The following TLE1 variants were observed in gnomAD, a reference collection of about 807,000 sequenced individuals.
The protein encoded by TLE1 is transducin-like enhancer protein 1.
A neutral mutation model predicts 89.8 loss-of-function variants in TLE1; 21 were observed. The ratio of observed to expected loss-of-function variants is 0.23; its 90% CI spans 0.17 to 0.34. The LOEUF is 0.34. TLE1 is among the 10% of genes least tolerant of loss of function. TLE1 has a pLI of 1.00. For missense variants in TLE1, 795 were observed against 1,031.2 expected (o/e 0.77, Z 3.14); for synonymous variants, 447 against 407.6 (o/e 1.10, Z -1.16).
At position 81,613,414 on chromosome 9, in the gene TLE1, G is replaced by A. The variant is rs1563969458; in HGVS notation, c.1026C>T (p.Gly342=). ...CGAGGGGGTCTATGGCTGGAGGCTT[G>A]CCGAGACCTGGACGGAGGCCTGGAG... ...SATPGLRPGL[G]KPPAIDPLVN... is the part of the protein sequence containing the mutation. The change falls in exon 12 of 20, where the codon GGC becomes GGT. Residue 342 remains glycine, a synonymous_variant. Transcript: ENST00000376499. 6.2e-7 allele frequency: 1 copy of A among 1,614,104 alleles called. No homozygotes were observed.
intron 14 of TLE1, among the ~76,000 whole-genome samples, chr9:81,608,579 A>G (rs1823278053): frequency 6.6e-6 from 1 of 152,200 alleles, no homozygotes; most frequent in Non-Finnish European, 1.5e-5. Context: ...AAGCAACCAC[A>G]TGAAGGCAAG....
chr9:81,586,167 A>G (rs1045855490), intron 17 of TLE1, among the ~76,000 whole-genome samples: 3 of 151,732 alleles, frequency 2.0e-5, no homozygotes, highest in African/African-American at 4.8e-5. Flanking sequence ...ACAGGCGCCC[A>G]CCACCACGCC....
At chr9:81,592,776 G>C (rs1328200284) in intron 15 of TLE1, among the ~76,000 whole-genome samples, 1 of 152,154 alleles carries the variant, frequency 6.6e-6, no homozygotes, top group East Asian at 1.9e-4. Flanking sequence ...CATGAGGAGA[G>C]CCTCTGTAAA....
At position 81,634,317 on chromosome 9, in the gene TLE1, G is replaced by T. The variant is rs1213748224; in HGVS notation, c.373-16C>A. On this transcript the variant is annotated splice_polypyrimidine_tract_variant and intron_variant, in intron 6 of 19. Transcript: ENST00000376499. ...ACTGCTGCTGCTGTTGGTGGTGGTG[G>T]TGAGAGAGAAAAAGGAGGAGGAGGA... 2.0e-6 allele frequency: 3 copies of T among 1,478,246 alleles called. No individual in the cohort carries two copies. In the African/African-American group the frequency reaches 4.2e-5, roughly 21 times the overall value. The allele number at this position is 1,478,246 out of a possible 1,614,324, so 91.6% of individuals were successfully genotyped here.
intron 14 of TLE1, among the ~76,000 whole-genome samples, chr9:81,605,468 A>C (rs1210002841): frequency 6.6e-6 from 1 of 152,180 alleles, no homozygotes; most frequent in African/African-American, 2.4e-5. Flanking sequence ...GTCTGTCACC[A>C]TAAATAGTTT....
chr9:81,585,452 C>T, intron 18 of TLE1, 53 bp downstream of exon 18: 1 of 1,581,746 alleles, frequency 6.3e-7, no homozygotes, highest in Non-Finnish European at 8.6e-7. Flanking sequence ...TTTTAAGAAG[C>T]ATTTTCCATT....
intron 4 of TLE1, among the ~76,000 whole-genome samples, chr9:81,662,998 C>A (rs1407946126): frequency 6.6e-6 from 1 of 151,948 alleles, no homozygotes; most frequent in African/African-American, 2.4e-5. Flanking sequence ...CAGGTGTGCA[C>A]CACCACGTGC....
intron 14 of TLE1, among the ~76,000 whole-genome samples, chr9:81,607,437 C>T (rs371538144): frequency 6.6e-6 from 1 of 152,310 alleles, no homozygotes; most frequent in East Asian, 1.9e-4. Flanking sequence ...TCTGCTCACC[C>T]GCCTTCCCCC....
intron 6 of TLE1, among the ~76,000 whole-genome samples, chr9:81,643,721 A>G (rs890308495): frequency 1.3e-4 from 19 of 151,766 alleles, no homozygotes; most frequent in Non-Finnish European, 1.5e-5. Context: ...TTTTCAGTGG[A>G]AAAAAAGTCT....
intron 8 of TLE1, among the ~76,000 whole-genome samples, chr9:81,628,916 CA>C (rs759664747): frequency 9.9e-5 from 15 of 152,090 alleles, no homozygotes; most frequent in Non-Finnish European, 1.6e-4. Flanking sequence ...CAGAATTCTG[CA>C]AAAGAGCACG....
chr9:81,675,706 TTG>T (rs1476943157), intron 4 of TLE1, among the ~76,000 whole-genome samples: 4 of 141,452 alleles, frequency 2.8e-5, no homozygotes, highest in Admixed American at 6.9e-5. Context: ...TAGTTTTTTT[TTG>T]TTTTTTTTTT....
chr9:81,615,751 A>AATG (rs1446775240), intron 11 of TLE1, among the ~76,000 whole-genome samples: 1 of 151,676 alleles, frequency 6.6e-6, no homozygotes, highest in Non-Finnish European at 1.5e-5. Flanking sequence ...AGAAGAAGGC[A>AATG]ATGAACACAG....
In TLE1 at chr9:81,685,723, G is replaced by A. The variant is rs779956899; in HGVS notation, c.190-3C>T. ...AATCCATATGACATTTCATAATACT[G>A]TAAAGAGAAAAAAGAATCAAGCATT... On this transcript the variant is annotated splice_region_variant and splice_polypyrimidine_tract_variant and intron_variant, in intron 3 of 19. Coordinates refer to ENST00000376499, the MANE Select transcript of TLE1 (RefSeq NM_005077.5). The A allele has an allele frequency of 3.1e-6, 5 of 1,613,010 alleles. No homozygotes were observed. Among genetic ancestry groups the A allele is most frequent in the Non-Finnish European group, 4.2e-6 (5 of 1,179,410 alleles).
Position 81,687,377 on chromosome 9 carries a change from G to A in TLE1, c.82C>T (p.Arg28Trp), listed in dbSNP as rs764071768. 1.9e-6 allele frequency: 3 copies of A among 1,610,616 alleles called. No homozygotes were observed. Among genetic ancestry groups the A allele is most frequent in the South Asian group, 1.1e-5 (1 of 90,198 alleles). The change falls in exon 2 of 20, where the codon CGG becomes TGG. Residue 28 changes from arginine to tryptophan, a missense_variant. Physicochemically the swap from Arg to Trp is moderately radical, Grantham distance 101. Around this residue, in one of 4 missense-constraint regions of TLE1, gnomAD observed 47 missense variants for 48.5 expected, o/e 0.97. Transcript: ENST00000376499. ...FKFTIPESLD[R>W]IKEEFQFLQA... Reference sequence around the variant, plus strand: ...AGGAACTGGAATTCCTCTTTAATCCGGTCCAGGGACTCCGGGATAGTGAAC... The same window carrying A: ...AGGAACTGGAATTCCTCTTTAATCCAGTCCAGGGACTCCGGGATAGTGAAC...
intron 4 of TLE1, among the ~76,000 whole-genome samples, chr9:81,677,392 T>A (rs2796443): frequency 1.3e-5 from 2 of 151,478 alleles, no homozygotes; most frequent in East Asian, 3.9e-4. Context: ...GATGAAATCC[T>A]GTCTCTACTA....
At chr9:81,610,349 G>A in intron 13 of TLE1, 53 bp from the exon 14 acceptor site, 1 of 1,354,254 alleles carries the variant, frequency 7.4e-7, no homozygotes, top group Non-Finnish European at 1.1e-6. Context: ...CAGGCACTTT[G>A]TGAACATCAA....
At position 81,611,872 on chromosome 9, in the gene TLE1, A is replaced by G; in HGVS notation, c.1151T>C (p.Leu384Pro). The G allele has an allele frequency of 6.4e-7, 1 of 1,554,712 alleles. No homozygotes were observed. Among genetic ancestry groups the G allele is most frequent in the Non-Finnish European group, 8.7e-7 (1 of 1,153,692 alleles). The change falls in exon 13 of 20, where the codon CTG becomes CCG. Residue 384 changes from leucine (L) to proline (P), a missense_variant. Transcript: ENST00000376499. ...MVPHAGMNGE[L>P]TSPGAAYASL... ...GGCGTAGGCAGCGCCTGGGCTGGTC[A>G]GCTCGCCGTTCATGCCAGCGTGGGG... is the stretch of plus-strand genomic sequence containing the variant.
rs149098757 is a variant in TLE1 at position 81,682,110 on chromosome 9, C to T, written c.234+3566G>A. 3.5e-4 allele frequency among the ~76,000 whole-genome samples: 53 copies of T among 152,104 alleles called. No homozygotes were observed. In the East Asian group the frequency reaches 6.0e-3, roughly 17 times the overall value. ...CAAAAAAAAGAAAAAAAAAGTTAGCCGGGCATGGTGGCGGACACCTGTAAT... is the reference window on the plus strand; with the variant it reads ...CAAAAAAAAGAAAAAAAAAGTTAGCTGGGCATGGTGGCGGACACCTGTAAT... On this transcript the variant is annotated intron_variant, in intron 4 of 19. Transcript: ENST00000376499.
chr9:81,609,837 C>T (rs1237488099), intron 14 of TLE1, among the ~76,000 whole-genome samples: 1 of 152,206 alleles, frequency 6.6e-6, no homozygotes, highest in African/African-American at 2.4e-5. Context: ...TGCAAGAGTT[C>T]GTGACAGCTG....
Sources: gnomAD v4.1 joint callset for allele counts (sites outside exome capture counted in the v4.1 genomes callset) on GRCh38, gnomAD v4.1.1 for gene constraint, gnomAD v4.1.1 regional missense constraint, MANE v1.5 for transcripts, NCBI Gene and HGNC (gene_info 2026-07-23, HGNC 2026-07-21) for gene names.